VPS35: variants seen among roughly 807,000 people sequenced by gnomAD.
The protein encoded by VPS35 is VPS35 retromer complex component.
Under a neutral mutation model 98.1 loss-of-function variants are expected in VPS35, and 21 were observed. The ratio of observed to expected loss-of-function variants is 0.21; its 90% confidence interval spans 0.15 to 0.31. The LOEUF (loss-of-function observed/expected upper bound fraction) is 0.31. Among genes scored for constraint, VPS35 ranks in the 10% least tolerant of loss-of-function variants. The probability of loss-of-function intolerance (pLI) is 1.00; values close to 1 mark genes in which losing one functional copy is unlikely to be tolerated. For synonymous variants in VPS35, 268 were observed against 318.2 expected, an observed-to-expected ratio of 0.84 and a Z score of 1.68; for missense variants, 554 against 950.8, an observed-to-expected ratio of 0.58 and a Z score of 5.49.
At chr16:46,660,854 A>C in intron 16 of VPS35, 2 of 604,590 alleles carry the variant, frequency 3.3e-6, no homozygotes, top group Non-Finnish European at 6.0e-6. Context: ...CCTTTAAAAC[A>C]AGCAAAATTG....
At chr16:46,665,744 GA>G (rs1965979855) in intron 13 of VPS35, among the ~76,000 whole-genome samples, 1 of 152,104 alleles carries the variant, frequency 6.6e-6, no homozygotes, top group African/African-American at 2.4e-5. Flanking sequence ...TCTTATAACT[GA>G]AAGTTTGTAT....
At chr16:46,671,291 C>T (rs1442128655) in intron 12 of VPS35, among the ~76,000 whole-genome samples, 1 of 151,970 alleles carries the variant, frequency 6.6e-6, no homozygotes, top group Non-Finnish European at 1.5e-5. Flanking sequence ...ATAAGCAATA[C>T]ATAGTTCAGA....
chr16:46,662,144 C>T (rs1415118358), intron 15 of VPS35, 99 bp downstream of exon 15: 1 of 1,600,592 alleles, frequency 6.2e-7, no homozygotes, highest in Non-Finnish European at 8.5e-7. Context: ...CATCAGATTT[C>T]CAAGCACCCC....
chr16:46,660,213 ACAGATCACAGG>A lies in VPS35; in HGVS notation c.*248_*258del. 5.1e-5 allele frequency: 1 copy of A among 19,780 alleles called. No individual in the cohort carries two copies. The highest frequency in any genetic ancestry group is 1.0e-4 in the Non-Finnish European group (1 of 9,926). 1.2% of individuals were successfully genotyped at this position (19,780 alleles called of 1,614,324 possible). A position where few individuals can be genotyped will look rare whatever the true frequency, so the allele number is the denominator to read the frequency against. On this transcript the variant is annotated 3_prime_UTR_variant, in exon 17 of 17. Coordinates refer to ENST00000299138, the MANE Select transcript of VPS35 (RefSeq NM_018206.6). Reference sequence around the variant, plus strand: ...TGTGTTTTTTTTTTTTTTTTTTTTTACAGATCACAGGAATTTTAAATTGCAGATCAGTCATG... The same window carrying A: ...TGTGTTTTTTTTTTTTTTTTTTTTTAAATTTTAAATTGCAGATCAGTCATG...
rs779340678 is a variant in VPS35, at chr16:46,671,713, G to T, written c.1516C>A (p.Gln506Lys). ...HLLRSEDPDQ[Q>K]YLILNTARKH... ...TAAGGGTAAACTCATACCAAGTACTGCTGGTCAGGGTCCTCAGAGCGCAGC... is the reference window on the plus strand; with the variant it reads ...TAAGGGTAAACTCATACCAAGTACTTCTGGTCAGGGTCCTCAGAGCGCAGC... The change falls in exon 12 of 17, where the codon CAG (glutamine) becomes AAG (lysine). Residue 506 changes from glutamine (Q) to lysine (K), a missense_variant. This residue lies in a region of VPS35 where 254 missense variants were observed against 390.1 expected (regional missense o/e 0.65). Coordinates refer to ENST00000299138, the MANE Select transcript of VPS35 (RefSeq NM_018206.6). 1.2e-6 allele frequency: 2 copies of T among 1,614,114 alleles called. No individual in the cohort carries two copies. Among genetic ancestry groups the T allele is most frequent in the Non-Finnish European group, 1.7e-6 (2 of 1,179,982 alleles).
rs144622564 is a variant in VPS35 at position 46,688,682 on chromosome 16, C to G, written c.3+449G>C. 8 of 1,071,826 alleles carry G rather than the reference C, an allele frequency of 7.5e-6. No homozygotes were observed. The East Asian group carries it at 5.8e-4, about 77-fold the overall frequency. 66.4% of individuals were successfully genotyped at this position (1,071,826 alleles called of 1,614,324 possible). On this transcript the variant is annotated intron_variant, in intron 1 of 16. Coordinates refer to ENST00000299138, the MANE Select transcript of VPS35 (RefSeq NM_018206.6). ...CCCTCCAGGAGGGCGTGGGGACGGC[C>G]GAGCACAACTAGGCACAAAGGTAGA...
At chr16:46,681,315 A>G in intron 4 of VPS35, 62 bp downstream of exon 4, 1 of 1,607,108 alleles carries the variant, frequency 6.2e-7, no homozygotes, top group Non-Finnish European at 8.5e-7. Context: ...TGATAATCAT[A>G]AAAGACGTAA....
chr16:46,662,593 A>G (rs1451182678), intron 14 of VPS35, 111 bp from the exon 15 acceptor site: 8 of 1,507,060 alleles, frequency 5.3e-6, no homozygotes, highest in Non-Finnish European at 6.4e-6. Context: ...TGCAGCCTTC[A>G]TATCAGAACA....
chr16:46,683,165 C>T, intron 2 of VPS35: 1 of 306,920 alleles, frequency 3.3e-6, no homozygotes, highest in South Asian at 4.1e-5. Flanking sequence ...TTAAATATTC[C>T]TCAGGTCTGA....
Position 46,674,679 on chromosome 16 carries a change from C to T in VPS35, c.915-19G>A, listed in dbSNP as rs377192015. 1.2e-4 allele frequency: 175 copies of T among 1,417,468 alleles called. No homozygotes were observed. Among genetic ancestry groups the T allele is most frequent in the Non-Finnish European group, 1.6e-4 (159 of 1,011,116 alleles). 87.8% of individuals were successfully genotyped at this position (1,417,468 alleles called of 1,614,324 possible). ...AGCTAATCTAAAAAAAAAAAAAACA[C>T]CCCTTTATTTTAAAAGATACAGGGT... On this transcript the variant is annotated intron_variant, in intron 8 of 16. Coordinates refer to ENST00000299138, the MANE Select transcript of VPS35 (RefSeq NM_018206.6).
At chr16:46,683,381 C>T (rs1966261860) in intron 2 of VPS35, 127 bp downstream of exon 2, 2 of 889,870 alleles carry the variant, frequency 2.2e-6, no homozygotes. Flanking sequence ...GGAGATGAGA[C>T]TGAAGATAGA....
intron 1 of VPS35, among the ~76,000 whole-genome samples, chr16:46,687,435 C>T (rs1966334195): frequency 6.6e-6 from 1 of 152,178 alleles, no homozygotes; most frequent in African/African-American, 2.4e-5. Context: ...CATCTATTAG[C>T]AATACCTTTT....
At chr16:46,674,493 T>C in intron 9 of VPS35, 31 bp from the exon 10 acceptor site, 1 of 1,607,846 alleles carries the variant, frequency 6.2e-7, no homozygotes, top group Non-Finnish European at 8.5e-7. Flanking sequence ...CACAATTTAT[T>C]TTAAACAATT....
Position 46,663,072 on chromosome 16 carries a change from G to A in VPS35, c.1738C>T (p.Pro580Ser). Reference sequence around the variant, plus strand: ...GCTCCTTGAAGAAAAAGTCTTAAGGGCAATTCTGCCAGCTCTGCTTTGATC... The same window carrying A: ...GCTCCTTGAAGAAAAAGTCTTAAGGACAATTCTGCCAGCTCTGCTTTGATC... ...ALIKAELAELPLRLFLQGALA... is the reference protein window; with the variant it reads ...ALIKAELAELSLRLFLQGALA... The change falls in exon 14 of 17, where the codon CCC (proline) becomes TCC (serine). Residue 580 changes from proline (P) to serine (S), a missense_variant. Physicochemically the swap from Pro to Ser is moderately conservative, Grantham distance 74. Around this residue, in one of 5 missense-constraint regions of VPS35, gnomAD observed 254 missense variants for 390.1 expected, o/e 0.65. Transcript: ENST00000299138. The A allele has an allele frequency of 6.2e-7, 1 of 1,614,164 alleles. No individual in the cohort carries two copies. The highest frequency in any genetic ancestry group is 1.3e-5 in the African/African-American group (1 of 75,044).
chr16:46,662,944 C>T, intron 14 of VPS35, 39 bp downstream of exon 14: 2 of 1,613,268 alleles, frequency 1.2e-6, no homozygotes, highest in South Asian at 2.2e-5. Context: ...CTGAACCCAG[C>T]AGAGCTGACA....
chr16:46,664,204 C>CT (rs1348966949), intron 13 of VPS35, among the ~76,000 whole-genome samples: 3 of 151,844 alleles, frequency 2.0e-5, no homozygotes, highest in African/African-American at 7.3e-5. Flanking sequence ...GTGTGGTTTT[C>CT]TTTTTTCTCT....
Position 46,660,585 on chromosome 16 carries a change from T to C in VPS35, c.2278A>G (p.Ser760Gly). ...TTGTTAATCTGCTCTGTTTCTTCAC[T>C]GGATTCAAGATTCGGGAGGTCTTCT... ...IREDLPNLES[S>G]EETEQINKHF... is the part of the protein sequence containing the mutation. Residue 760 changes from serine to glycine, a missense_variant, in exon 17 of 17, where the codon AGT becomes GGT. By Grantham distance (56) the Ser-to-Gly change is moderately conservative. Coordinates refer to ENST00000299138, the MANE Select transcript of VPS35 (RefSeq NM_018206.6). The C allele has an allele frequency of 6.2e-7, 1 of 1,614,146 alleles. No homozygotes were observed. Among genetic ancestry groups the C allele is most frequent in the Non-Finnish European group, 8.5e-7 (1 of 1,180,030 alleles).
At chr16:46,675,308 A>G (rs1207998978) in intron 8 of VPS35, among the ~76,000 whole-genome samples, 1 of 152,210 alleles carries the variant, frequency 6.6e-6, no homozygotes, top group Non-Finnish European at 1.5e-5. Context: ...TACATAGACT[A>G]TTTTAAGATA....
chr16:46,671,652 C>G, intron 12 of VPS35, 53 bp downstream of exon 12: 1 of 1,609,778 alleles, frequency 6.2e-7, no homozygotes, highest in Non-Finnish European at 8.5e-7. Flanking sequence ...AGCACTTGAA[C>G]ATGTGATTTC....
Sources: allele counts gnomAD v4.1 joint callset (sites outside exome capture counted in the v4.1 genomes callset), GRCh38; gene constraint gnomAD v4.1.1; regional missense constraint gnomAD v4.1.1; transcripts MANE v1.5; gene names NCBI Gene and HGNC (gene_info 2026-07-23, HGNC 2026-07-21).